The following CCNH variants were observed in gnomAD, a reference collection of about 807,000 sequenced individuals.
The protein encoded by CCNH is cyclin-H.
CCNH carries 31 observed loss-of-function variants against 41.9 expected under a neutral mutation model. The ratio of observed to expected loss-of-function variants is 0.74; its 90% CI spans 0.56 to 1.00. CCNH has a LOEUF of 1.00. Ranked by LOEUF, CCNH falls within the 50% of genes least tolerant of loss-of-function variation. The pLI is 0.00. For synonymous variants in CCNH, 138 were observed against 136.1 expected, an observed-to-expected ratio of 1.01 and a Z score of -0.10; for missense variants, 362 against 388.4, an observed-to-expected ratio of 0.93 and a Z score of 0.57.
intron 4 of CCNH, among the ~76,000 whole-genome samples, chr5:87,406,579 T>C (rs1204723825): frequency 6.6e-6 from 1 of 152,136 alleles, no homozygotes; most frequent in Non-Finnish European, 1.5e-5. Flanking sequence ...CATTGGAGCA[T>C]TTCAGATTTT....
chr5:87,320,100 C>T (rs1033113010), intron 9 of CCNH, among the ~76,000 whole-genome samples: 1 of 152,104 alleles, frequency 6.6e-6, no homozygotes, highest in Non-Finnish European at 1.5e-5. Flanking sequence ...CAAGAGTGAC[C>T]GTTACTCTGG....
chr5:87,339,653 G>C lies in CCNH; in HGVS notation c.*91-20756C>G, dbSNP rs192296654. ...AAAATAATAATAACAACCCAAACCA[G>C]AATAAGGAGACATGACCTCACATCA... On this transcript the variant is annotated intron_variant and NMD_transcript_variant, in intron 9 of 9. Coordinates refer to the CCNH transcript ENST00000645953. 2.5e-3 allele frequency among the ~76,000 whole-genome samples: 378 copies of C among 152,172 alleles called. 1 individual carries two copies. The highest frequency in any genetic ancestry group is 8.6e-3 in the African/African-American group (356 of 41,524).
At chr5:87,335,434 T>G (rs1413511307) in intron 9 of CCNH, among the ~76,000 whole-genome samples, 3 of 144,962 alleles carry the variant, frequency 2.1e-5, no homozygotes, top group South Asian at 2.3e-4. Flanking sequence ...TTTTTTTTTT[T>G]TTTTTTTTTT....
At chr5:87,394,786 A>G (rs1762789234) in intron 8 of CCNH, 1 of 1,342,622 alleles carries the variant, frequency 7.4e-7, no homozygotes, top group African/African-American at 1.5e-5. Context: ...AATAAGAAAA[A>G]AAGCAAAAAT....
intron 9 of CCNH, chr5:87,363,594 T>C: frequency 2.1e-6 from 3 of 1,437,478 alleles, no homozygotes; most frequent in Non-Finnish European, 2.9e-6. Context: ...AGCCCTAAAA[T>C]CATCTTCTAA....
downstream of CCNH, chr5:87,375,006 A>T: frequency 6.8e-7 from 1 of 1,465,080 alleles, no homozygotes; most frequent in Non-Finnish European, 9.1e-7. Context: ...TAGAAATTAA[A>T]AAAACAGAAA....
chr5:87,390,667 T>G, downstream of CCNH: 2 of 754,400 alleles, frequency 2.7e-6, no homozygotes, highest in South Asian at 1.5e-5. Flanking sequence ...TAGAGACTTA[T>G]GTTTTGAGGG....
chr5:87,338,536 A>ATATTTTT lies in CCNH; in HGVS notation c.*91-19640_*91-19639insAAAAATA. Among the ~76,000 whole-genome samples the ATATTTTT allele has an allele frequency of 9.4e-5, 8 of 85,220 alleles. 1 individual carries two copies. Among genetic ancestry groups the ATATTTTT allele is most frequent in the East Asian group, 9.9e-4 (2 of 2,030 alleles). 55.9% of individuals were successfully genotyped at this position (85,220 alleles called of 152,430 possible). On this transcript the variant is annotated intron_variant and NMD_transcript_variant, in intron 9 of 9. Transcript: ENST00000645953. ...ATATATATATATATATATATATAAA[A>ATATTTTT]TTTTTTTTTTTTTTAAGTAGAAATG...
At position 87,401,792 on chromosome 5, in the gene CCNH, A is replaced by C. The variant is rs780869021; in HGVS notation, c.690-20T>G. On this transcript the variant is annotated intron_variant, in intron 5 of 8. Coordinates refer to ENST00000256897, the MANE Select transcript of CCNH (RefSeq NM_001239.4). ...AAATAACTAGTAAAGAAAAGAAAAA[A>C]AAATCTATTGAAAACATACAGCACA... 5.5e-6 allele frequency: 8 copies of C among 1,458,754 alleles called. No homozygotes were observed. The highest frequency in any genetic ancestry group is 6.5e-6 in the Non-Finnish European group (7 of 1,072,430). The allele number at this position is 1,458,754 out of a possible 1,614,324, so 90.4% of individuals were successfully genotyped here.
intron 9 of CCNH, among the ~76,000 whole-genome samples, chr5:87,345,612 A>G (rs1758807036): frequency 6.6e-6 from 1 of 152,166 alleles, no homozygotes. Context: ...AATGCTTGGA[A>G]TGGTGTTAAA....
chr5:87,338,536 A>ATATATATATTTTTTTT, intron 9 of CCNH, among the ~76,000 whole-genome samples: 1 of 85,222 alleles, frequency 1.2e-5, no homozygotes, highest in East Asian at 4.9e-4. Context: ...TATATATAAA[A>ATATATATATTTTTTTT]TTTTTTTTTT....
chr5:87,401,762 C>G lies in CCNH; in HGVS notation c.700G>C (p.Glu234Gln). Residue 234 changes from glutamate (E) to glutamine (Q), a missense_variant, in exon 6 of 9, where the codon GAG becomes CAG. By Grantham distance (29) the Glu-to-Gln change is conservative (BLOSUM62 2). Coordinates refer to ENST00000256897, the MANE Select transcript of CCNH (RefSeq NM_001239.4). ...CTGTTCTCTTTCAGCATCAGACTCT[C>G]TGATAAATAACTAGTAAAGAAAAGA... ...AGITMESYLS[E>Q]SLMLKENRTC... The G allele has an allele frequency of 6.3e-7, 1 of 1,575,350 alleles. No homozygotes were observed. The highest frequency in any genetic ancestry group is 8.6e-7 in the Non-Finnish European group (1 of 1,163,146).
At chr5:87,373,018 C>T (rs937861329), downstream of CCNH, among the ~76,000 whole-genome samples, 1 of 152,092 alleles carries the variant, frequency 6.6e-6, no homozygotes, top group African/African-American at 2.4e-5. Context: ...AACATTGTAA[C>T]ATTTTGTAAG....
Position 87,411,241 on chromosome 5 carries a change from T to C in CCNH, c.223A>G (p.Met75Val), listed in dbSNP as rs773071401. Residue 75 changes from methionine to valine, a missense_variant, in exon 2 of 9, where the codon ATG becomes GTG. Transcript: ENST00000256897. The stretch of plus-strand genomic sequence containing the variant: ...TAACTTACCACAACAGATCTTGGCA[T>C]TGCTGGCTTAAACACCGAACAGAAT... ...LEFCSVFKPAMPRSVVGTACM... is the reference protein window; with the variant it reads ...LEFCSVFKPAVPRSVVGTACM... 1.9e-6 allele frequency: 3 copies of C among 1,612,010 alleles called. No homozygotes were observed. Among genetic ancestry groups the C allele is most frequent in the South Asian group, 1.1e-5 (1 of 90,598 alleles).
At chr5:87,334,231 A>G (rs1474443211) in intron 9 of CCNH, among the ~76,000 whole-genome samples, 1 of 152,228 alleles carries the variant, frequency 6.6e-6, no homozygotes, top group Non-Finnish European at 1.5e-5. Flanking sequence ...CCTGAGAACC[A>G]GGGGAGCCTA....
At chr5:87,327,989 G>C (rs575308245) in intron 9 of CCNH, among the ~76,000 whole-genome samples, 1 of 151,632 alleles carries the variant, frequency 6.6e-6, no homozygotes, top group African/African-American at 2.4e-5. Context: ...AAAAGAGAGA[G>C]AACTTCCTAT....
chr5:87,366,715 A>T (rs1760548554), intron 9 of CCNH, among the ~76,000 whole-genome samples: 1 of 152,218 alleles, frequency 6.6e-6, no homozygotes, highest in East Asian at 1.9e-4. Flanking sequence ...AACTAAACTC[A>T]AGTCTCTCAT....
At chr5:87,358,301 C>A (rs1759805399) in intron 9 of CCNH, among the ~76,000 whole-genome samples, 1 of 152,138 alleles carries the variant, frequency 6.6e-6, no homozygotes, top group African/African-American at 2.4e-5. Flanking sequence ...TTTTTGAGCA[C>A]TATATTTTAA....
intron 9 of CCNH, chr5:87,349,171 T>A (rs1021714982): frequency 3.1e-6 from 5 of 1,602,128 alleles, no homozygotes; most frequent in Non-Finnish European, 4.3e-6. Context: ...CTTTTCTTTT[T>A]TATTTGATAA....
Sources: gnomAD v4.1 joint callset for allele counts (sites outside exome capture counted in the v4.1 genomes callset) on GRCh38, gnomAD v4.1.1 for gene constraint, MANE v1.5 for transcripts, NCBI Gene and HGNC (gene_info 2026-07-23, HGNC 2026-07-21) for gene names.